Variants in CELF3 observed in about 807,000 individuals in gnomAD.
The protein encoded by CELF3 is CAG repeat domain.
CELF3 carries 26 observed loss-of-function variants against 59.6 expected under a neutral mutation model. The ratio of observed to expected loss-of-function variants is 0.44; its 90% CI spans 0.32 to 0.61. The LOEUF (loss-of-function observed/expected upper bound fraction) is 0.61. CELF3 is among the 20% of genes least tolerant of loss of function. The probability of loss-of-function intolerance (pLI) is 0.06; values close to 1 mark genes in which losing one functional copy is unlikely to be tolerated. For synonymous variants in CELF3, 245 were observed against 250.7 expected, an observed-to-expected ratio of 0.98 and a Z score of 0.22; for missense variants, 387 against 627.2, an observed-to-expected ratio of 0.62 and a Z score of 4.09.
Position 151,706,284 on chromosome 1 carries a change from G to A in CELF3, c.1066C>T (p.Pro356Ser), listed in dbSNP as rs1444487291. The A allele has an allele frequency of 6.4e-7, 1 of 1,574,012 alleles. No homozygotes were observed. Among genetic ancestry groups the A allele is most frequent in the Non-Finnish European group, 8.6e-7 (1 of 1,160,214 alleles). ...TGCTGCTGCTGCTGTTGAGGTGGTG[G>A]TGGGGGCTGCTGGGCGACCAGGGCT... ...PPALVAQQPP[P>S]PPQQQQQQQQ... Residue 356 changes from proline (P) to serine (S), a missense_variant, in exon 10 of 13, where the codon CCA becomes TCA. Physicochemically the swap from Pro to Ser is moderately conservative, Grantham distance 74. Around this residue, in one of 3 missense-constraint regions of CELF3, gnomAD observed 131 missense variants for 153.7 expected, o/e 0.85. Coordinates refer to ENST00000290583, the MANE Select transcript of CELF3 (RefSeq NM_007185.7).
In CELF3 at chr1:151,715,527, C is replaced by A. The variant is rs560599247; in HGVS notation, c.145+349G>T. 5 of 979,872 alleles carry A rather than the reference C, an allele frequency of 5.1e-6. No homozygotes were observed. In the East Asian group the frequency reaches 1.6e-4, roughly 31 times the overall value. The allele number at this position is 979,872 out of a possible 1,614,324, so 60.7% of individuals were successfully genotyped here. A position where few individuals can be genotyped will look rare whatever the true frequency, so the allele number is the denominator to read the frequency against. On this transcript the variant is annotated intron_variant, in intron 1 of 12. Coordinates refer to ENST00000290583, the MANE Select transcript of CELF3 (RefSeq NM_007185.7). Reference sequence around the variant, plus strand: ...TTCTCAGTCTTGCTGCACACGCACACACACACACACCCCTACCCAGCTGCT... The same window carrying A: ...TTCTCAGTCTTGCTGCACACGCACAAACACACACACCCCTACCCAGCTGCT...
chr1:151,713,407 C>G (rs893606721), intron 2 of CELF3: 1 of 152,294 alleles, frequency 6.6e-6, no homozygotes, highest in African/African-American at 2.4e-5. Flanking sequence ...TGTCTCTCAT[C>G]CATGTCTCCA....
At position 151,707,278 on chromosome 1, in the gene CELF3, A is replaced by G; in HGVS notation, c.789T>C (p.Pro263=). The G allele has an allele frequency of 6.4e-7, 1 of 1,570,412 alleles. No homozygotes were observed. Among genetic ancestry groups the G allele is most frequent in the Non-Finnish European group, 8.6e-7 (1 of 1,159,382 alleles). The part of the protein sequence containing the change: ...ITPSSGTSTP[P]AIAATPVSAI... ...CAGAGACAGGCGTGGCAGCGATGGC[A>G]GGAGGGGTGCTGGTTCCTGGGGAGG... The change falls in exon 8 of 13, where the codon CCT becomes CCC. Residue 263 remains proline, a synonymous_variant. Transcript: ENST00000290583.
Position 151,709,159 on chromosome 1 carries a change from T to C in CELF3, c.406+61A>G, listed in dbSNP as rs2280475. 334,102 of 1,604,822 alleles carry C rather than the reference T, an allele frequency of 0.21. 36,156 individuals are homozygous for C. The highest frequency in any genetic ancestry group is 0.34 in the Middle Eastern group (2,071 of 6,026). On this transcript the variant is annotated intron_variant, in intron 4 of 12. Transcript: ENST00000290583. This position sits in a 1 kb window ranked among gnomAD's most constrained non-coding sequence, Gnocchi z 4.9. ...GCGGTGGAACCCGATGCCTAGGGAGTCTTGGGGGTGGAACAGGAAGGGGAA... is the reference window on the plus strand; with the variant it reads ...GCGGTGGAACCCGATGCCTAGGGAGCCTTGGGGGTGGAACAGGAAGGGGAA...
In CELF3 at chr1:151,701,757, A is replaced by AC. The variant is rs990781154; in HGVS notation, c.*1701dup. ...AGCAAGACCCTGTCTACAAAAAAAA[A>AC]CACCATTTTTAAAAATGAGCTGGGC... On this transcript the variant is annotated 3_prime_UTR_variant, in exon 13 of 13. Coordinates refer to ENST00000290583, the MANE Select transcript of CELF3 (RefSeq NM_007185.7). Among the ~76,000 whole-genome samples, 246 of 151,728 alleles carry AC rather than the reference A, an allele frequency of 1.6e-3. No individual in the cohort carries two copies. The highest frequency in any genetic ancestry group is 2.7e-3 in the Non-Finnish European group (183 of 67,932).
rs141607898 is a variant in CELF3 at position 151,712,457 on chromosome 1, C to T, written c.228+2137G>A. 1.7e-3 allele frequency among the ~76,000 whole-genome samples: 252 copies of T among 152,324 alleles called. 1 individual carries two copies. Among genetic ancestry groups the T allele is most frequent in the African/African-American group, 5.7e-3 (235 of 41,568 alleles). ...TCCCAGACCACTCACAGGTTCTCTC[C>T]GTGGGGCCAGAATCCACCTTCCTGA... is the stretch of plus-strand genomic sequence containing the variant. On this transcript the variant is annotated intron_variant, in intron 2 of 12. Coordinates refer to ENST00000290583, the MANE Select transcript of CELF3 (RefSeq NM_007185.7).
chr1:151,706,511 G>A (rs1466188591), intron 9 of CELF3, 150 bp from the exon 10 acceptor site: 2 of 1,167,172 alleles, frequency 1.7e-6, no homozygotes, highest in African/African-American at 1.5e-5. Context: ...ACCCCTGGGT[G>A]TGCTGCCCTT....
At chr1:151,710,284 A>G (rs1672903642) in intron 2 of CELF3, 2 of 257,466 alleles carry the variant, frequency 7.8e-6, no homozygotes, top group South Asian at 9.1e-5. Context: ...CTGCCCCCCT[A>G]TACCCCTTGA....
At position 151,707,259 on chromosome 1, in the gene CELF3, C is replaced by G. The variant is rs778542499; in HGVS notation, c.808G>C (p.Val270Leu). Residue 270 changes from valine (V) to leucine (L), a missense_variant, in exon 8 of 13, where the codon GTC becomes CTC. Transcript: ENST00000290583. Reference protein sequence around the residue: ...STPPAIAATPVSAIPAALGVN... With the variant: ...STPPAIAATPLSAIPAALGVN... ...CCCAGGGCAGCCGGAATGGCAGAGA[C>G]AGGCGTGGCAGCGATGGCAGGAGGG... 1.9e-6 allele frequency: 3 copies of G among 1,566,610 alleles called. No individual in the cohort carries two copies. Among genetic ancestry groups the G allele is most frequent in the African/African-American group, 2.7e-5 (2 of 73,426 alleles).
In CELF3 at chr1:151,709,699, G is replaced by T. The variant is rs1672856340; in HGVS notation, c.277+44C>A. On this transcript the variant is annotated intron_variant, in intron 3 of 12. Coordinates refer to ENST00000290583, the MANE Select transcript of CELF3 (RefSeq NM_007185.7). This position sits in a 1 kb window ranked among gnomAD's most constrained non-coding sequence, Gnocchi z 4.9. ...CTCGACAACTCCAGGCCCTGGGCCTGGGGGTGGGAGGAGAGGGACAGAGTC... is the reference window on the plus strand; with the variant it reads ...CTCGACAACTCCAGGCCCTGGGCCTTGGGGTGGGAGGAGAGGGACAGAGTC... 6.3e-7 allele frequency: 1 copy of T among 1,595,156 alleles called. No homozygotes were observed. Among genetic ancestry groups the T allele is most frequent in the East Asian group, 2.2e-5 (1 of 44,774 alleles).
Position 151,705,678 on chromosome 1 carries a change from G to C in CELF3, c.1270+144C>G. Reference sequence around the variant, plus strand: ...AGGCAGCAGCTGGGTGTGGCATGTTGGGTGTGTCAAAATGGCTCTTTTGTA... The same window carrying C: ...AGGCAGCAGCTGGGTGTGGCATGTTCGGTGTGTCAAAATGGCTCTTTTGTA... On this transcript the variant is annotated intron_variant, in intron 11 of 12. Coordinates refer to ENST00000290583, the MANE Select transcript of CELF3 (RefSeq NM_007185.7). The surrounding 1 kb of genome is among the most constrained non-coding windows in gnomAD (Gnocchi z 5.1). 1.2e-6 allele frequency: 1 copy of C among 859,988 alleles called. No individual in the cohort carries two copies. Among genetic ancestry groups the C allele is most frequent in the Middle Eastern group, 3.0e-4 (1 of 3,332 alleles). 53.3% of individuals were successfully genotyped at this position (859,988 alleles called of 1,614,324 possible).
At position 151,703,393 on chromosome 1, in the gene CELF3, C is replaced by A; in HGVS notation, c.*66G>T. 2.5e-6 allele frequency: 1 copy of A among 395,756 alleles called. No individual in the cohort carries two copies. The highest frequency in any genetic ancestry group is 1.8e-5 in the South Asian group (1 of 55,474). The allele number at this position is 395,756 out of a possible 1,614,324, so 24.5% of individuals were successfully genotyped here. A position where few individuals can be genotyped will look rare whatever the true frequency, so the allele number is the denominator to read the frequency against. On this transcript the variant is annotated 3_prime_UTR_variant, in exon 13 of 13. Coordinates refer to ENST00000290583, the MANE Select transcript of CELF3 (RefSeq NM_007185.7). The stretch of plus-strand genomic sequence containing the variant: ...CCCAGGGCAGGTGTGCGGAGAGGGC[C>A]GGGGCCAGTCGTGGGAAGAGGGTGT...
chr1:151,708,218 A>C, intron 5 of CELF3: 1 of 371,796 alleles, frequency 2.7e-6, no homozygotes, highest in Non-Finnish European at 4.9e-6. Flanking sequence ...CTCTGTGAGG[A>C]CTCTGAACTG....
intron 6 of CELF3, 41 bp from the exon 7 acceptor site, chr1:151,707,689 C>A: frequency 6.3e-7 from 1 of 1,597,746 alleles, no homozygotes; most frequent in South Asian, 1.1e-5. Flanking sequence ...GCCCCCTGTG[C>A]CCAAGCCTGG....
In CELF3 at chr1:151,700,686, T is replaced by C. The variant is rs1346599032; in HGVS notation, c.*2773A>G. On this transcript the variant is annotated 3_prime_UTR_variant, in exon 13 of 13. Transcript: ENST00000290583. ...AGTTAATAAGTGTAGGCAGTGATAA[T>C]TGAAAAGAGGGAAATGATATGAGAA... 6.6e-6 allele frequency among the ~76,000 whole-genome samples: 1 copy of C among 152,158 alleles called. No individual in the cohort carries two copies. Among genetic ancestry groups the C allele is most frequent in the African/African-American group, 2.4e-5 (1 of 41,424 alleles).
rs768357884 is a variant in CELF3 at position 151,705,848 on chromosome 1, C to A, written c.1244G>T (p.Arg415Leu). 6.2e-7 allele frequency: 1 copy of A among 1,614,026 alleles called. No individual in the cohort carries two copies. The highest frequency in any genetic ancestry group is 8.5e-7 in the Non-Finnish European group (1 of 1,180,030). ...HVISAKVFVDRATNQSKCFGF... is the reference protein window; with the variant it reads ...HVISAKVFVDLATNQSKCFGF... ...AAAACATTTGCTTTGATTGGTGGCT[C>A]GGTCAACAAAGACTTTGGCTGAGAT... The change falls in exon 11 of 13, where the codon CGA (arginine) becomes CTA (leucine). Residue 415 changes from arginine to leucine, a missense_variant. Coordinates refer to ENST00000290583, the MANE Select transcript of CELF3 (RefSeq NM_007185.7). The surrounding 1 kb of genome is among the most constrained non-coding windows in gnomAD (Gnocchi z 5.1).
chr1:151,713,773 C>T (rs183138677), intron 2 of CELF3, among the ~76,000 whole-genome samples: 3 of 152,258 alleles, frequency 2.0e-5, no homozygotes, highest in East Asian at 3.9e-4. Flanking sequence ...CTTTGGTGGG[C>T]GTGGGGGTTT....
Position 151,710,963 on chromosome 1 carries a change from T to C in CELF3, c.229-1172A>G, listed in dbSNP as rs1031550755. 7.6e-6 allele frequency: 3 copies of C among 393,236 alleles called. 1 individual carries two copies. Among genetic ancestry groups the C allele is most frequent in the African/African-American group, 6.2e-5 (3 of 48,162 alleles). The allele number at this position is 393,236 out of a possible 1,614,324, so 24.4% of individuals were successfully genotyped here. A position where few individuals can be genotyped will look rare whatever the true frequency, so the allele number is the denominator to read the frequency against. On this transcript the variant is annotated intron_variant, in intron 2 of 12. Coordinates refer to ENST00000290583, the MANE Select transcript of CELF3 (RefSeq NM_007185.7). ...GGACTCTGACAGCTGGAACCACACC[T>C]GGTTGCCCCACTCATCTGATGGTGG...
chr1:151,703,130 A>G lies in CELF3; in HGVS notation c.*329T>C, dbSNP rs753578740. 3.3e-5 allele frequency: 15 copies of G among 459,630 alleles called. No individual in the cohort carries two copies. The highest frequency in any genetic ancestry group is 6.6e-5 in the Non-Finnish European group (15 of 228,822). 28.5% of individuals were successfully genotyped at this position (459,630 alleles called of 1,614,324 possible). On this transcript the variant is annotated 3_prime_UTR_variant, in exon 13 of 13. Coordinates refer to ENST00000290583, the MANE Select transcript of CELF3 (RefSeq NM_007185.7). ...AGGCCCACTGTTGGGGGAGGCAAGT[A>G]CAAACGCTGGGTACAGAAGGCCTGT...
Sources: gnomAD v4.1 joint callset for allele counts (sites outside exome capture counted in the v4.1 genomes callset) on GRCh38, gnomAD v4.1.1 for gene constraint, gnomAD v4.1.1 regional missense constraint, Gnocchi (gnomAD v3.1) non-coding constraint, MANE v1.5 for transcripts, NCBI Gene and HGNC (gene_info 2026-07-23, HGNC 2026-07-21) for gene names.